SORCS1: variants seen among roughly 807,000 people sequenced by gnomAD.
SORCS1 encodes the protein VPS10 domain-containing receptor SorCS1.
Under a neutral mutation model 146.1 loss-of-function variants are expected in SORCS1, and 60 were observed. That is an observed-to-expected ratio of 0.41 (90% CI 0.33 to 0.51). The LOEUF is 0.51. Ranked by LOEUF, SORCS1 falls within the 20% of genes least tolerant of loss-of-function variation. The pLI, the probability that SORCS1 is intolerant of heterozygous loss-of-function variation, is 0.21. For synonymous variants in SORCS1, 637 were observed against 584.0 expected (o/e 1.09, Z -1.31); for missense variants, 1,352 against 1,487.6 (o/e 0.91, Z 1.50).
chr10:107,017,220 G>A (rs1471972405), intron 1 of SORCS1, among the ~76,000 whole-genome samples: 1 of 152,138 alleles, frequency 6.6e-6, no homozygotes, highest in African/African-American at 2.4e-5. Flanking sequence ...AGCACTATTT[G>A]TAGCAACTAA....
chr10:107,056,381 G>T (rs911978111), intron 1 of SORCS1, among the ~76,000 whole-genome samples: 1 of 152,218 alleles, frequency 6.6e-6, no homozygotes, highest in Non-Finnish European at 1.5e-5. Context: ...GGGTGACGCA[G>T]AAGGAGAGCT....
intron 1 of SORCS1, among the ~76,000 whole-genome samples, chr10:107,011,799 C>T (rs1029449878): frequency 1.3e-5 from 2 of 152,162 alleles, no homozygotes; most frequent in Non-Finnish European, 2.9e-5. Context: ...GGCTGTTTTA[C>T]TGTATGCCAT....
intron 1 of SORCS1, among the ~76,000 whole-genome samples, chr10:107,052,295 A>T (rs1471519090): frequency 6.6e-6 from 1 of 152,182 alleles, no homozygotes; most frequent in Non-Finnish European, 1.5e-5. Context: ...GTCCAAATCA[A>T]GGATCATTTT....
chr10:106,745,567 C>T (rs558595256), intron 5 of SORCS1, among the ~76,000 whole-genome samples: 5 of 152,280 alleles, frequency 3.3e-5, no homozygotes, highest in Admixed American at 6.5e-5. Flanking sequence ...ATGTTCTCAA[C>T]GTATCTCTCC....
chr10:106,670,488 T>C (rs1221820666), intron 16 of SORCS1, among the ~76,000 whole-genome samples: 1 of 152,218 alleles, frequency 6.6e-6, no homozygotes, highest in Non-Finnish European at 1.5e-5. Context: ...ACATCTTCCA[T>C]GAATCTCATA....
At chr10:106,893,894 A>C (rs7096532) in intron 2 of SORCS1, among the ~76,000 whole-genome samples, 11,213 of 152,246 alleles carry the variant, frequency 0.074, 915 homozygotes, top group African/African-American at 0.19. Context: ...ATGAGTTTGC[A>C]AGTAAACAGG....
At chr10:106,871,773 G>C (rs1950414036) in intron 2 of SORCS1, among the ~76,000 whole-genome samples, 1 of 152,154 alleles carries the variant, frequency 6.6e-6, no homozygotes. Flanking sequence ...GAGAGGAACA[G>C]AAGAAACAAC....
chr10:107,039,691 T>C (rs1250443382), intron 1 of SORCS1, among the ~76,000 whole-genome samples: 1 of 152,206 alleles, frequency 6.6e-6, no homozygotes, highest in Non-Finnish European at 1.5e-5. Flanking sequence ...GCTGATCTGT[T>C]TTTTAAAGAG....
intron 18 of SORCS1, among the ~76,000 whole-genome samples, chr10:106,650,609 G>A (rs1475755129): frequency 6.6e-6 from 1 of 152,098 alleles, no homozygotes; most frequent in Admixed American, 6.5e-5. Flanking sequence ...TATCCTCAAA[G>A]TCCAATTTTT....
intron 17 of SORCS1, chr10:106,667,012 T>A (rs1473125740): frequency 6.6e-6 from 1 of 152,230 alleles, no homozygotes; most frequent in Non-Finnish European, 1.5e-5. Flanking sequence ...TTTGTTTGAA[T>A]CAGAATTTAA....
At chr10:106,684,396 C>T (rs1247114340) in intron 10 of SORCS1, among the ~76,000 whole-genome samples, 1 of 152,134 alleles carries the variant, frequency 6.6e-6, no homozygotes, top group Non-Finnish European at 1.5e-5. Context: ...GCGCCTCTTT[C>T]CATTAAACAC....
rs375393240 is a variant in SORCS1, at chr10:106,717,220, T to A, written c.1025-7879A>T. Among the ~76,000 whole-genome samples, 30 of 152,212 alleles carry A rather than the reference T, an allele frequency of 2.0e-4. No individual in the cohort carries two copies. In the East Asian group the frequency reaches 3.3e-3, roughly 17 times the overall value. ...TAAAGCCCATACAAGCGCATATAAC[T>A]TTTCCTTTTGTTCTACTGCTCTATT... On this transcript the variant is annotated intron_variant, in intron 6 of 25. Transcript: ENST00000263054.
At chr10:107,085,337 T>C (rs1457755559) in intron 1 of SORCS1, among the ~76,000 whole-genome samples, 1 of 152,188 alleles carries the variant, frequency 6.6e-6, no homozygotes, top group Non-Finnish European at 1.5e-5. Flanking sequence ...ATACAATATC[T>C]CTACTGACTT....
At chr10:107,057,878 GC>G (rs1960798723) in intron 1 of SORCS1, among the ~76,000 whole-genome samples, 1 of 152,066 alleles carries the variant, frequency 6.6e-6, no homozygotes, top group African/African-American at 2.4e-5. Flanking sequence ...CTACTCACAG[GC>G]ATGGTCATCG....
chr10:106,905,357 A>T (rs929855904), intron 2 of SORCS1, among the ~76,000 whole-genome samples: 2 of 152,176 alleles, frequency 1.3e-5, no homozygotes, highest in Non-Finnish European at 2.9e-5. Context: ...TTCCATGTTG[A>T]TATATTTGAA....
In SORCS1 at chr10:106,575,665, A is replaced by T. The variant is rs539436283; in HGVS notation, c.*1755T>A. ...TAACTCTCCTCCTTTATACAGACTT[A>T]AATCTTTACTTTAATGATACTATGA... On this transcript the variant is annotated 3_prime_UTR_variant, in exon 26 of 26. Transcript: ENST00000263054. 5.8e-4 allele frequency: 89 copies of T among 152,662 alleles called. No homozygotes were observed. The highest frequency in any genetic ancestry group is 2.1e-3 in the African/African-American group (89 of 41,530). The allele number at this position is 152,662 out of a possible 1,614,324, so 9.5% of individuals were successfully genotyped here. A position where few individuals can be genotyped will look rare whatever the true frequency, so the allele number is the denominator to read the frequency against.
intron 1 of SORCS1, among the ~76,000 whole-genome samples, chr10:107,001,298 T>C (rs1470317872): frequency 6.6e-6 from 1 of 152,130 alleles, no homozygotes; most frequent in Non-Finnish European, 1.5e-5. Context: ...ATTACCTCTT[T>C]AGGCAGTGGG....
intron 9 of SORCS1, among the ~76,000 whole-genome samples, 179 bp downstream of exon 9, chr10:106,699,035 A>T (rs1238591532): frequency 6.6e-6 from 1 of 152,230 alleles, no homozygotes; most frequent in African/African-American, 2.4e-5. Flanking sequence ...TCCCCCAGAG[A>T]TCTTCTGTGG....
In SORCS1 at chr10:106,709,233, A is replaced by T; in HGVS notation, c.1133T>A (p.Val378Glu). ...GTGGATTTTTCCTACCTGAACAAAC[A>T]CATAATGATCCTGAACAATCAAAGA... ...PDSLIVQDHY[V>E]FVQLTSGGRP... is the part of the protein sequence containing the mutation. Residue 378 changes from valine to glutamate, a missense_variant, in exon 7 of 26, where the codon GTG becomes GAG. Physicochemically the swap from Val to Glu is moderately radical, Grantham distance 121. Around this residue, in one of 3 missense-constraint regions of SORCS1, gnomAD observed 648 missense variants for 793.8 expected, o/e 0.82. Transcript: ENST00000263054. 1 of 1,612,642 alleles carries T rather than the reference A, an allele frequency of 6.2e-7. No homozygotes were observed.
Sources: allele counts gnomAD v4.1 joint callset (sites outside exome capture counted in the v4.1 genomes callset), GRCh38; gene constraint gnomAD v4.1.1; regional missense constraint gnomAD v4.1.1; transcripts MANE v1.5; gene names NCBI Gene and HGNC (gene_info 2026-07-23, HGNC 2026-07-21).